Variants in PIK3C2G observed in about 807,000 individuals in gnomAD.
The protein encoded by PIK3C2G is phosphatidylinositol 3-kinase C2 domain-containing subunit gamma.
PIK3C2G carries 168 observed loss-of-function variants against 181.1 expected under a neutral mutation model. The ratio of observed to expected loss-of-function variants is 0.93; its 90% confidence interval spans 0.82 to 1.05. The LOEUF is 1.05. Ranked by LOEUF, PIK3C2G falls within the 50% of genes least tolerant of loss-of-function variation. PIK3C2G has a pLI of 0.00. For missense variants in PIK3C2G, 1,869 were observed against 1,732.8 expected (o/e 1.08, Z -1.40); for synonymous variants, 573 against 592.2 (o/e 0.97, Z 0.47).
At chr12:18,614,678 TC>T (rs1948507789) in intron 31 of PIK3C2G, among the ~76,000 whole-genome samples, 1 of 152,108 alleles carries the variant, frequency 6.6e-6, no homozygotes, top group Non-Finnish European at 1.5e-5. Context: ...GAAACTAATT[TC>T]CTAAGAAATT....
At chr12:18,489,642 T>C (rs1166118121) in intron 19 of PIK3C2G, among the ~76,000 whole-genome samples, 1 of 152,124 alleles carries the variant, frequency 6.6e-6, no homozygotes, top group African/African-American at 2.4e-5. Context: ...TTAAGGCATA[T>C]AATAGGATAA....
intron 28 of PIK3C2G, among the ~76,000 whole-genome samples, chr12:18,564,630 G>C (rs545537902): frequency 4.7e-4 from 72 of 152,048 alleles, no homozygotes; most frequent in African/African-American, 1.7e-3. Flanking sequence ...GAAATTAAGA[G>C]CATACTCAAG....
At chr12:18,276,043 G>A (rs1250710908) in intron 1 of PIK3C2G, among the ~76,000 whole-genome samples, 1 of 152,150 alleles carries the variant, frequency 6.6e-6, no homozygotes, top group Non-Finnish European at 1.5e-5. Flanking sequence ...CTGCATATTT[G>A]TTGCAGTAGA....
chr12:18,648,251 A>G lies in PIK3C2G; in HGVS notation c.*223A>G, dbSNP rs1950259232. The G allele has an allele frequency of 3.4e-6, 1 of 293,278 alleles. No homozygotes were observed. Among genetic ancestry groups the G allele is most frequent in the Non-Finnish European group, 6.3e-6 (1 of 159,256 alleles). 18.2% of individuals were successfully genotyped at this position (293,278 alleles called of 1,614,324 possible). On this transcript the variant is annotated 3_prime_UTR_variant, in exon 33 of 33. Transcript: ENST00000538779. ...CCTTCAGTGGAGTACTGATTGCATG[A>G]AATTTGATGTGTAAAATAATAAAAG...
chr12:18,571,395 C>T (rs1037292085), intron 29 of PIK3C2G, among the ~76,000 whole-genome samples: 10 of 150,580 alleles, frequency 6.6e-5, no homozygotes, highest in Non-Finnish European at 1.5e-4. Flanking sequence ...TATATTAGTG[C>T]AAATTGTCAT....
intron 30 of PIK3C2G, among the ~76,000 whole-genome samples, chr12:18,604,934 A>G (rs1171845852): frequency 1.3e-5 from 2 of 152,182 alleles, no homozygotes; most frequent in African/African-American, 4.8e-5. Flanking sequence ...CCTACATCAA[A>G]AAGTCTGAAA....
intron 2 of PIK3C2G, among the ~76,000 whole-genome samples, chr12:18,284,286 T>A (rs1019102755): frequency 6.6e-6 from 1 of 152,098 alleles, no homozygotes; most frequent in African/African-American, 2.4e-5. Context: ...CAAAGCCATG[T>A]CTTAAGAGTA....
chr12:18,507,733 A>G lies in PIK3C2G; in HGVS notation c.3323+2272A>G, dbSNP rs577729963. ...TGGAGTACCCTTATTCATTTATTGC[A>G]CTGGCTTCTGTATTGTTCATGTGAG... On this transcript the variant is annotated intron_variant, in intron 24 of 32. Coordinates refer to ENST00000538779, the MANE Select transcript of PIK3C2G (RefSeq NM_001288772.2). Among the ~76,000 whole-genome samples the G allele has an allele frequency of 1.2e-4, 19 of 152,146 alleles. No homozygotes were observed. The East Asian group carries it at 3.3e-3, about 26-fold the overall frequency.
At chr12:18,331,434 AAT>A (rs1937952551) in intron 8 of PIK3C2G, among the ~76,000 whole-genome samples, 1 of 152,054 alleles carries the variant, frequency 6.6e-6, no homozygotes, top group African/African-American at 2.4e-5. Flanking sequence ...TAATATTTTA[AAT>A]AATATTTTTA....
At chr12:18,704,309 C>T in the PIK3C2G span, among the ~76,000 whole-genome samples, 3 of 151,910 alleles carry the variant, frequency 2.0e-5, no homozygotes, top group African/African-American at 7.2e-5. Flanking sequence ...AAATTTGGGC[C>T]GTGAGAGGGA....
At chr12:18,628,047 T>G (rs1949181491) in intron 31 of PIK3C2G, among the ~76,000 whole-genome samples, 1 of 152,192 alleles carries the variant, frequency 6.6e-6, no homozygotes, top group South Asian at 2.1e-4. Flanking sequence ...CTGGTAAAAC[T>G]TGATCTAGAA....
chr12:18,681,048 G>A, the PIK3C2G span, among the ~76,000 whole-genome samples: 5 of 152,004 alleles, frequency 3.3e-5, no homozygotes, highest in African/African-American at 9.7e-5. Flanking sequence ...TCATGATTCC[G>A]GAATGTTCTT....
the PIK3C2G span, chr12:18,684,392 G>A: frequency 2.0e-6 from 2 of 993,318 alleles, no homozygotes; most frequent in Non-Finnish European, 3.0e-6. Context: ...ATAATATCTT[G>A]TGTTTAGAGC....
At chr12:18,616,555 G>A (rs1010733354) in intron 31 of PIK3C2G, among the ~76,000 whole-genome samples, 1 of 152,036 alleles carries the variant, frequency 6.6e-6, no homozygotes, top group Non-Finnish European at 1.5e-5. Flanking sequence ...TATTTTTAAT[G>A]TTCAAAAACC....
chr12:18,627,252 A>C (rs936334146), intron 31 of PIK3C2G, among the ~76,000 whole-genome samples: 4 of 151,280 alleles, frequency 2.6e-5, no homozygotes, highest in Non-Finnish European at 4.4e-5. Context: ...TTCTTTCTCA[A>C]ACTTCTCATT....
intron 29 of PIK3C2G, among the ~76,000 whole-genome samples, chr12:18,570,017 G>A (rs1565518673): frequency 6.6e-6 from 1 of 151,972 alleles, no homozygotes. Flanking sequence ...GCTCTATCAT[G>A]TCTTCTGATG....
intron 15 of PIK3C2G, among the ~76,000 whole-genome samples, chr12:18,392,018 C>A (rs1943566877): frequency 6.6e-6 from 1 of 151,932 alleles, no homozygotes; most frequent in African/African-American, 2.4e-5. Context: ...CCTTTGACGA[C>A]AAGTTGAAGA....
the PIK3C2G span, among the ~76,000 whole-genome samples, chr12:18,660,325 A>G: frequency 0.12 from 18,796 of 152,102 alleles, 1,370 homozygotes; most frequent in African/African-American, 0.2. Flanking sequence ...CTGATATCTG[A>G]TTGATGCTCT....
chr12:18,668,074 C>T, the PIK3C2G span, among the ~76,000 whole-genome samples: 1 of 152,084 alleles, frequency 6.6e-6, no homozygotes, highest in Non-Finnish European at 1.5e-5. Context: ...CTCCACTTAG[C>T]GTAATTATAC....
Sources: allele counts gnomAD v4.1 joint callset (sites outside exome capture counted in the v4.1 genomes callset), GRCh38; gene constraint gnomAD v4.1.1; transcripts MANE v1.5; gene names NCBI Gene and HGNC (gene_info 2026-07-23, HGNC 2026-07-21).